Variants in CAB39 observed in about 807,000 individuals in gnomAD.
CAB39 encodes the protein calcium-binding protein 39.
CAB39 carries 8 observed loss-of-function variants against 40.0 expected under a neutral mutation model. The observed-to-expected ratio is 0.20, with a 90% CI of 0.12 to 0.36. The LOEUF (loss-of-function observed/expected upper bound fraction) is 0.36, where lower values mean the gene tolerates loss of function less well. CAB39 is among the 10% of genes least tolerant of loss of function. The pLI is 1.00. For synonymous variants in CAB39, 156 were observed against 141.6 expected, an observed-to-expected ratio of 1.10 and a Z score of -0.72; for missense variants, 270 against 401.1, an observed-to-expected ratio of 0.67 and a Z score of 2.79.
At chr2:230,818,039 T>C (rs1696434324) in intron 8 of CAB39, 142 bp downstream of exon 8, 6 of 754,374 alleles carry the variant, frequency 8.0e-6, no homozygotes, top group East Asian at 2.8e-5. Context: ...TTGTGTGCTA[T>C]GACTTTTAAA....
chr2:230,762,096 C>T (rs79204366), intron 2 of CAB39, among the ~76,000 whole-genome samples: 1 of 151,964 alleles, frequency 6.6e-6, no homozygotes, highest in Admixed American at 6.6e-5. Context: ...TTAGTAGAGA[C>T]GGGGTTTCAC....
At chr2:230,728,939 C>T (rs1007321344) in intron 1 of CAB39, among the ~76,000 whole-genome samples, 3 of 152,170 alleles carry the variant, frequency 2.0e-5, no homozygotes, top group African/African-American at 7.2e-5. Flanking sequence ...AAGCCAAGAA[C>T]ATTCTAAGTA....
chr2:230,807,537 A>G (rs1696222723), intron 5 of CAB39, among the ~76,000 whole-genome samples: 2 of 151,460 alleles, frequency 1.3e-5, no homozygotes, highest in African/African-American at 4.8e-5. Context: ...TCTTACCCCA[A>G]AGCCATTGAG....
chr2:230,792,125 CCTA>C (rs1217912462), intron 3 of CAB39, among the ~76,000 whole-genome samples: 1 of 152,130 alleles, frequency 6.6e-6, no homozygotes, highest in African/African-American at 2.4e-5. Context: ...TTATTTCTGT[CCTA>C]CTGTAGAGCA....
chr2:230,815,455 G>C (rs1696383397), intron 7 of CAB39, among the ~76,000 whole-genome samples: 1 of 152,156 alleles, frequency 6.6e-6, no homozygotes, highest in South Asian at 2.1e-4. Flanking sequence ...GATCCTCAAA[G>C]GGCTGAGGTA....
intron 2 of CAB39, among the ~76,000 whole-genome samples, chr2:230,776,354 C>T (rs979329323): frequency 6.6e-6 from 1 of 152,154 alleles, no homozygotes; most frequent in Non-Finnish European, 1.5e-5. Flanking sequence ...CAGTGGTAAC[C>T]TCTCACATAA....
At chr2:230,803,867 C>T (rs981408824) in intron 5 of CAB39, among the ~76,000 whole-genome samples, 4 of 152,144 alleles carry the variant, frequency 2.6e-5, no homozygotes, top group Non-Finnish European at 5.9e-5. Flanking sequence ...CAAGCTACCA[C>T]TGACTTTCTT....
chr2:230,801,526 C>T (rs1487092218), intron 5 of CAB39, among the ~76,000 whole-genome samples: 1 of 152,182 alleles, frequency 6.6e-6, no homozygotes, highest in African/African-American at 2.4e-5. Flanking sequence ...AATTTCCAAA[C>T]ATGTGGCTCA....
chr2:230,813,377 C>T (rs1189157025), intron 6 of CAB39, among the ~76,000 whole-genome samples: 1 of 152,050 alleles, frequency 6.6e-6, no homozygotes, highest in Non-Finnish European at 1.5e-5. Context: ...ATTTTGTTCT[C>T]CCCGGGGCTT....
chr2:230,802,735 A>G (rs578113470), intron 5 of CAB39, among the ~76,000 whole-genome samples: 1 of 152,330 alleles, frequency 6.6e-6, no homozygotes, highest in African/African-American at 2.4e-5. Context: ...GAATAGACCA[A>G]TAACAGGCTC....
chr2:230,786,779 A>G (rs563565058), intron 2 of CAB39, among the ~76,000 whole-genome samples: 1 of 152,344 alleles, frequency 6.6e-6, no homozygotes, highest in African/African-American at 2.4e-5. Context: ...TGTCAAAGAG[A>G]ATTATCTGAA....
At chr2:230,765,014 G>A (rs556311484) in intron 2 of CAB39, among the ~76,000 whole-genome samples, 1 of 152,156 alleles carries the variant, frequency 6.6e-6, no homozygotes, top group African/African-American at 2.4e-5. Context: ...TTGAGACGGA[G>A]TCTCGCTCTG....
chr2:230,735,136 A>G (rs2124880957), intron 1 of CAB39, among the ~76,000 whole-genome samples: 1 of 152,216 alleles, frequency 6.6e-6, no homozygotes, highest in East Asian at 1.9e-4. Context: ...GTGGAATCGC[A>G]GTTTACAAGT....
chr2:230,725,168 C>T (rs550207951), intron 1 of CAB39: 13 of 1,613,238 alleles, frequency 8.1e-6, no homozygotes, highest in East Asian at 6.7e-5. Context: ...GCACCACTCT[C>T]GAAGGCAGTC....
intron 1 of CAB39, among the ~76,000 whole-genome samples, chr2:230,718,095 G>A (rs1033265740): frequency 5.9e-5 from 9 of 152,172 alleles, no homozygotes; most frequent in Admixed American, 2.6e-4. Flanking sequence ...GGAAAATCTA[G>A]CCATTATTTA....
chr2:230,715,575 A>G (rs996247512), intron 1 of CAB39, among the ~76,000 whole-genome samples: 3 of 152,218 alleles, frequency 2.0e-5, no homozygotes, highest in African/African-American at 7.2e-5. Context: ...TAGTCTCTAC[A>G]CTAGGGCCAT....
At chr2:230,796,476 T>C (rs1424655406) in intron 4 of CAB39, among the ~76,000 whole-genome samples, 2 of 152,180 alleles carry the variant, frequency 1.3e-5, no homozygotes, top group Non-Finnish European at 2.9e-5. Flanking sequence ...TTGACAAGCC[T>C]CCATCAAAAC....
intron 1 of CAB39, among the ~76,000 whole-genome samples, chr2:230,720,702 G>C (rs1694434587): frequency 6.6e-6 from 1 of 152,188 alleles, no homozygotes; most frequent in Admixed American, 6.5e-5. Flanking sequence ...TTACAGGCGT[G>C]AGCCACCGCG....
intron 2 of CAB39, among the ~76,000 whole-genome samples, chr2:230,789,125 C>A (rs1695848495): frequency 6.6e-6 from 1 of 152,152 alleles, no homozygotes; most frequent in African/African-American, 2.4e-5. Context: ...TTTGTGTTTA[C>A]TAACCTATTC....
Sources: allele counts gnomAD v4.1 joint callset (sites outside exome capture counted in the v4.1 genomes callset), GRCh38; gene constraint gnomAD v4.1.1; transcripts MANE v1.5; gene names NCBI Gene and HGNC (gene_info 2026-07-23, HGNC 2026-07-21).